PTPRD: variants seen among roughly 807,000 people sequenced by gnomAD.
The protein encoded by PTPRD is receptor-type tyrosine-protein phosphatase delta.
In PTPRD, 34 loss-of-function variants were observed where a neutral mutation model predicts 214.5. The observed-to-expected ratio is 0.16, with a 90% CI of 0.12 to 0.21. PTPRD has a LOEUF of 0.21. PTPRD is among the 10% of genes least tolerant of loss of function. The pLI, the probability that PTPRD is intolerant of heterozygous loss-of-function variation, is 1.00. For missense variants in PTPRD, 2,545 were observed against 2,398.7 expected, an observed-to-expected ratio of 1.06 and a Z score of -1.27; for synonymous variants, 1,128 against 845.7, an observed-to-expected ratio of 1.33 and a Z score of -5.79.
At chr9:8,830,566 G>A (rs2097266951) in intron 11 of PTPRD, among the ~76,000 whole-genome samples, 2 of 152,176 alleles carry the variant, frequency 1.3e-5, no homozygotes, top group Admixed American at 1.3e-4. Flanking sequence ...GAAAAGTGAG[G>A]ACCATGATCA....
At chr9:9,908,920 A>T (rs1053789182) in intron 5 of PTPRD, among the ~76,000 whole-genome samples, 1 of 152,028 alleles carries the variant, frequency 6.6e-6, no homozygotes, top group Non-Finnish European at 1.5e-5. Context: ...AATATTATAC[A>T]GAGAGAAGAT....
At chr9:8,765,829 C>T in intron 11 of PTPRD, among the ~76,000 whole-genome samples, 1 of 152,098 alleles carries the variant, frequency 6.6e-6, no homozygotes, top group East Asian at 1.9e-4. Flanking sequence ...TTCTCCAAAC[C>T]CAGCATTATG....
At position 8,985,475 on chromosome 9, in the gene PTPRD, A is replaced by G. The variant is rs2099337641; in HGVS notation, c.-104+33222T>C. Among the ~76,000 whole-genome samples, 2 of 152,192 alleles carry G rather than the reference A, an allele frequency of 1.3e-5. 1 individual carries two copies. Among genetic ancestry groups the G allele is most frequent in the South Asian group, 4.1e-4 (2 of 4,824 alleles). On this transcript the variant is annotated intron_variant, in intron 11 of 45. Transcript: ENST00000381196. ...GACAGGTAACATTCGTGTGGAATTT[A>G]CTGTGGGTCCTACTTCATTCTGAAA... is the stretch of plus-strand genomic sequence containing the variant.
intron 10 of PTPRD, among the ~76,000 whole-genome samples, chr9:9,127,726 A>ATCAGT (rs1451496182): frequency 2.6e-5 from 4 of 152,204 alleles, no homozygotes; most frequent in African/African-American, 2.4e-5. Context: ...ATATACATGT[A>ATCAGT]TCAGTCTTTC....
intron 8 of PTPRD, among the ~76,000 whole-genome samples, chr9:9,498,091 G>C (rs983690401): frequency 6.6e-6 from 1 of 152,142 alleles, no homozygotes; most frequent in Non-Finnish European, 1.5e-5. Context: ...GAGCCAGGAA[G>C]CAGTTTACTT....
intron 10 of PTPRD, among the ~76,000 whole-genome samples, chr9:9,032,229 G>A (rs2099607877): frequency 1.3e-5 from 2 of 151,796 alleles, no homozygotes; most frequent in Admixed American, 6.6e-5. Context: ...TCCACCCAAC[G>A]CCACATTCTG....
chr9:10,352,236 T>C (rs1416521415), intron 2 of PTPRD, among the ~76,000 whole-genome samples: 1 of 152,054 alleles, frequency 6.6e-6, no homozygotes, highest in Non-Finnish European at 1.5e-5. Flanking sequence ...ATAAAATTAC[T>C]TTATCCTGTT....
At chr9:8,703,052 A>G (rs1037565979) in intron 12 of PTPRD, among the ~76,000 whole-genome samples, 1 of 152,210 alleles carries the variant, frequency 6.6e-6, no homozygotes, top group African/African-American at 2.4e-5. Flanking sequence ...AATTTTAAGC[A>G]GTTCACCATA....
intron 11 of PTPRD, among the ~76,000 whole-genome samples, chr9:8,882,569 C>T (rs2098455234): frequency 6.6e-6 from 1 of 152,020 alleles, no homozygotes; most frequent in African/African-American, 2.4e-5. Context: ...CAACAGAAAC[C>T]AAACTGAGGG....
At chr9:8,399,749 G>C (rs1275683419) in intron 36 of PTPRD, among the ~76,000 whole-genome samples, 3 of 152,124 alleles carry the variant, frequency 2.0e-5, no homozygotes, top group Non-Finnish European at 4.4e-5. Flanking sequence ...TTTTGAATTA[G>C]GTTTGATGTA....
rs574876605 is a variant in PTPRD at position 8,557,191 on chromosome 9, T to C, written c.353-28412A>G. ...AGGGGAACCTACTCCTTGATGAAGA[T>C]GAACCACTCTGGCGCCATGAATACA... On this transcript the variant is annotated intron_variant, in intron 14 of 45. Coordinates refer to ENST00000381196, the MANE Select transcript of PTPRD (RefSeq NM_002839.4). Among the ~76,000 whole-genome samples the C allele has an allele frequency of 4.6e-5, 7 of 152,050 alleles. No homozygotes were observed. In the South Asian group the frequency reaches 1.2e-3, roughly 27 times the overall value.
At chr9:8,436,798 G>T in intron 34 of PTPRD, 109 bp from the exon 35 acceptor site, 1 of 836,774 alleles carries the variant, frequency 1.2e-6, no homozygotes, top group Non-Finnish European at 1.9e-6. Flanking sequence ...AAATATGTGA[G>T]TAGTAAAGAT....
rs35164422 is a variant in PTPRD, at chr9:10,125,622, T to TTGTGTGTGTGTGTG, written c.-544-91846_-544-91833dup. ...GGCGTGCGCTACCACGCTCGGCTAATTGTGTGTGTGTGTGTGTGTGTGTGT... is the reference window on the plus strand; with the variant it reads ...GGCGTGCGCTACCACGCTCGGCTAATTGTGTGTGTGTGTGTGTGTGTGTGTGTGTGTGTGTGTGT... On this transcript the variant is annotated intron_variant, in intron 3 of 45. Coordinates refer to ENST00000381196, the MANE Select transcript of PTPRD (RefSeq NM_002839.4). 3.0e-3 allele frequency among the ~76,000 whole-genome samples: 412 copies of TTGTGTGTGTGTGTG among 139,308 alleles called. 3 individuals are homozygous for TTGTGTGTGTGTGTG. Among genetic ancestry groups the TTGTGTGTGTGTGTG allele is most frequent in the African/African-American group, 9.7e-3 (364 of 37,480 alleles). 91.4% of individuals were successfully genotyped at this position (139,308 alleles called of 152,430 possible).
chr9:9,973,178 T>C (rs1024270442), intron 4 of PTPRD, among the ~76,000 whole-genome samples: 1 of 151,908 alleles, frequency 6.6e-6, no homozygotes, highest in South Asian at 2.1e-4. Context: ...AATTAGCAGA[T>C]GTGGCTGGGC....
intron 14 of PTPRD, among the ~76,000 whole-genome samples, chr9:8,616,991 G>A (rs2095633484): frequency 6.6e-6 from 1 of 152,042 alleles, no homozygotes; most frequent in Admixed American, 6.6e-5. Flanking sequence ...GTATAAAATG[G>A]CATTTATTCG....
At chr9:8,633,170 C>T in intron 14 of PTPRD, 147 bp downstream of exon 14, 1 of 971,976 alleles carries the variant, frequency 1.0e-6, no homozygotes, top group Non-Finnish European at 1.5e-6. Flanking sequence ...AAGGTATCCA[C>T]TGTCTAATTA....
intron 35 of PTPRD, among the ~76,000 whole-genome samples, chr9:8,412,393 T>C (rs1401595709): frequency 6.6e-6 from 1 of 152,200 alleles, no homozygotes; most frequent in African/African-American, 2.4e-5. Context: ...ACGGTGTTAG[T>C]AAATTAGTGT....
chr9:10,164,183 C>T (rs778755002), intron 3 of PTPRD, among the ~76,000 whole-genome samples: 1 of 151,488 alleles, frequency 6.6e-6, no homozygotes, highest in Non-Finnish European at 1.5e-5. Context: ...AAATACAGAA[C>T]AGAGAACACA....
chr9:9,737,049 C>G (rs906553253), intron 6 of PTPRD, among the ~76,000 whole-genome samples: 1 of 152,082 alleles, frequency 6.6e-6, no homozygotes, highest in East Asian at 1.9e-4. Context: ...ATTACTTTGC[C>G]TTTCACGTCT....
Sources: allele counts gnomAD v4.1 joint callset (sites outside exome capture counted in the v4.1 genomes callset), GRCh38; gene constraint gnomAD v4.1.1; transcripts MANE v1.5; gene names NCBI Gene and HGNC (gene_info 2026-07-23, HGNC 2026-07-21).